Variants in ARHGEF10 observed in about 807,000 individuals in gnomAD.
The protein encoded by ARHGEF10 is Rho guanine nucleotide exchange factor 10, also known as Rho guanine nucleotide exchange factor (GEF) 10.
Under a neutral mutation model 147.4 loss-of-function variants are expected in ARHGEF10, and 140 were observed. The ratio of observed to expected loss-of-function variants is 0.95; its 90% CI spans 0.83 to 1.09. The LOEUF is 1.09. Ranked by LOEUF, ARHGEF10 falls within the 50% of genes least tolerant of loss-of-function variation. The pLI, the probability that ARHGEF10 is intolerant of heterozygous loss-of-function variation, is 0.00. For synonymous variants in ARHGEF10, 902 were observed against 695.8 expected (o/e 1.30, Z -4.67); for missense variants, 2,222 against 1,752.7 (o/e 1.27, Z -4.78).
intron 1 of ARHGEF10, among the ~76,000 whole-genome samples, chr8:1,833,147 A>G (rs372942524): frequency 0.011 from 242 of 22,976 alleles, 1 homozygote; most frequent in East Asian, 0.054. Flanking sequence ...CAGAGACAGA[A>G]GCAGAGACAG....
At chr8:1,903,656 G>T in intron 16 of ARHGEF10, 1 of 642,442 alleles carries the variant, frequency 1.6e-6, no homozygotes, top group Non-Finnish European at 2.7e-6. Context: ...TGTCTTAACA[G>T]CATTTTCTTA....
chr8:1,918,788 A>G (rs908098612), intron 18 of ARHGEF10, among the ~76,000 whole-genome samples: 1 of 152,198 alleles, frequency 6.6e-6, no homozygotes, highest in Non-Finnish European at 1.5e-5. Context: ...GACCTATCCC[A>G]CATGTTCTAT....
At chr8:1,865,041 C>T (rs1806466919) in intron 5 of ARHGEF10, among the ~76,000 whole-genome samples, 1 of 152,240 alleles carries the variant, frequency 6.6e-6, no homozygotes, top group Non-Finnish European at 1.5e-5. Flanking sequence ...CTTAAATGAT[C>T]TTCAAAAGGA....
chr8:1,876,869 A>G, intron 8 of ARHGEF10, 135 bp downstream of exon 8: 2 of 985,932 alleles, frequency 2.0e-6, no homozygotes, highest in Non-Finnish European at 3.2e-6. Flanking sequence ...GGGAAAGCAT[A>G]AGATATTGGC....
In ARHGEF10 at chr8:1,909,372, C is replaced by T. The variant is rs1057518334; in HGVS notation, c.2045C>T (p.Ala682Val). 19 of 1,614,230 alleles carry T rather than the reference C, an allele frequency of 1.2e-5. No homozygotes were observed. The highest frequency in any genetic ancestry group is 1.6e-5 in the Non-Finnish European group (19 of 1,180,034). ...KWSVPLGHVD[A>V]IEYGSSAGTG... is the part of the protein sequence containing the mutation. ...AGCGTTCCACTGGGACATGTGGACG[C>T]CATCGAGTATGGCAGCAGCGCAGGC... The change falls in exon 18 of 29, where the codon GCC becomes GTC. Residue 682 changes from alanine (A) to valine (V), a missense_variant. By Grantham distance (64) the Ala-to-Val change is moderately conservative. Coordinates refer to ENST00000349830, the MANE Select transcript of ARHGEF10 (RefSeq NM_014629.4).
At position 1,957,447 on chromosome 8, in the gene ARHGEF10, C is replaced by A; in HGVS notation, c.*184C>A. 4 of 830,030 alleles carry A rather than the reference C, an allele frequency of 4.8e-6. No homozygotes were observed. The highest frequency in any genetic ancestry group is 5.4e-5 in the East Asian group (2 of 37,202). The allele number at this position is 830,030 out of a possible 1,614,324, so 51.4% of individuals were successfully genotyped here. ...GCCAATTCCTTCCTTCTCTTCTGTA[C>A]AGCAGAAGTAATTACAAGCACTTCT... On this transcript the variant is annotated 3_prime_UTR_variant, in exon 29 of 29. Transcript: ENST00000349830.
chr8:1,840,938 C>T (rs968942687), intron 1 of ARHGEF10, among the ~76,000 whole-genome samples: 15 of 152,176 alleles, frequency 9.9e-5, no homozygotes, highest in Non-Finnish European at 1.6e-4. Context: ...TCTTGCTGCA[C>T]AGAAAGCTCA....
chr8:1,935,504 C>T (rs571446197), intron 26 of ARHGEF10, among the ~76,000 whole-genome samples: 1 of 152,320 alleles, frequency 6.6e-6, no homozygotes, highest in South Asian at 2.1e-4. Context: ...GCCATTTCTT[C>T]AGATTGACAG....
At chr8:1,853,632 G>A (rs945045052) in intron 2 of ARHGEF10, among the ~76,000 whole-genome samples, 1 of 152,224 alleles carries the variant, frequency 6.6e-6, no homozygotes, top group African/African-American at 2.4e-5. Context: ...CCTGGCTCCC[G>A]CCAGGGCCCT....
At chr8:1,939,371 A>G (rs1331896803) in intron 26 of ARHGEF10, among the ~76,000 whole-genome samples, 1 of 152,142 alleles carries the variant, frequency 6.6e-6, no homozygotes, top group Admixed American at 6.5e-5. Flanking sequence ...GCAACCACAG[A>G]TGGTTAAGAC....
chr8:1,829,981 G>A (rs1335873119), intron 1 of ARHGEF10, among the ~76,000 whole-genome samples: 1 of 152,226 alleles, frequency 6.6e-6, no homozygotes, highest in African/African-American at 2.4e-5. Context: ...GGTAGCGGTA[G>A]CAAGAAGGAG....
chr8:1,893,515 T>C (rs1809717001), intron 11 of ARHGEF10, 54 bp from the exon 12 acceptor site: 2 of 1,165,148 alleles, frequency 1.7e-6, no homozygotes, highest in African/African-American at 1.5e-5. Flanking sequence ...GTAAAATGTA[T>C]CTGTGTGTAT....
chr8:1,832,625 GAGAGAC>G (rs1474387673), intron 1 of ARHGEF10, among the ~76,000 whole-genome samples: 3 of 104,538 alleles, frequency 2.9e-5, no homozygotes, highest in African/African-American at 4.4e-5. Context: ...CAGAGGCAGA[GAGAGAC>G]AGAGGCAGAG....
intron 1 of ARHGEF10, among the ~76,000 whole-genome samples, chr8:1,840,578 T>A (rs147748509): frequency 0.053 from 7,901 of 149,980 alleles, 488 homozygotes; most frequent in African/African-American, 0.11. Context: ...GACTGTCTGG[T>A]GTGGAAGCTG....
chr8:1,915,492 G>C (rs1359082782), intron 18 of ARHGEF10, among the ~76,000 whole-genome samples: 9 of 152,260 alleles, frequency 5.9e-5, no homozygotes, highest in Admixed American at 5.9e-4. Flanking sequence ...CCCAGCCTCT[G>C]TCTGGGGGAG....
At chr8:1,888,280 C>A (rs1341543652) in intron 11 of ARHGEF10, among the ~76,000 whole-genome samples, 1 of 51,202 alleles carries the variant, frequency 2.0e-5, no homozygotes, top group Non-Finnish European at 3.7e-5. Flanking sequence ...GCTGTAGGTT[C>A]TGAGGAGGGG....
At position 1,929,390 on chromosome 8, in the gene ARHGEF10, G is replaced by A. The variant is rs760161802; in HGVS notation, c.3026G>A (p.Ser1009Asn). The change falls in exon 25 of 29, where the codon AGC becomes AAC. Residue 1009 changes from serine (S) to asparagine (N), a missense_variant. Transcript: ENST00000349830. ...TVMSLACTSQ[S>N]LYAGLVNGAV... is the part of the protein sequence containing the mutation. ...ATGAGCCTGGCTTGCACGTCTCAGA[G>A]CCTGTACGCTGGCCTGGTCAACGGG... The A allele has an allele frequency of 3.7e-6, 6 of 1,613,290 alleles. No individual in the cohort carries two copies. Among genetic ancestry groups the A allele is most frequent in the African/African-American group, 1.3e-5 (1 of 74,920 alleles).
rs1248748688 is a variant in ARHGEF10, at chr8:1,928,557, A to G, written c.2828A>G (p.Lys943Arg). The G allele has an allele frequency of 6.2e-7, 1 of 1,614,134 alleles. No homozygotes were observed. Among genetic ancestry groups the G allele is most frequent in the African/African-American group, 1.3e-5 (1 of 74,948 alleles). ...LCMLYVPVEE[K>R]RREPGAPPDP... is the part of the protein sequence containing the mutation. ...ATGCTGTACGTTCCCGTCGAGGAGA[A>G]GCGCAGAGAGCCTGGGGCACCCCCG... The change falls in exon 24 of 29, where the codon AAG becomes AGG. Residue 943 changes from lysine to arginine, a missense_variant. Physicochemically the swap from Lys to Arg is conservative, Grantham distance 26. Coordinates refer to ENST00000349830, the MANE Select transcript of ARHGEF10 (RefSeq NM_014629.4).
Position 1,951,975 on chromosome 8 carries a change from C to T in ARHGEF10, c.3398-730C>T, listed in dbSNP as rs149571212. Among the ~76,000 whole-genome samples, 723 of 152,398 alleles carry T rather than the reference C, an allele frequency of 4.7e-3. 5 individuals carry two copies. Among genetic ancestry groups the T allele is most frequent in the African/African-American group, 0.017 (702 of 41,598 alleles). On this transcript the variant is annotated intron_variant, in intron 27 of 28. Transcript: ENST00000349830. ...CCGTGAGGCGGGGTCTTGGAATAGGCCATGCGTCTCCCACATTGTTTTGCA... is the reference window on the plus strand; with the variant it reads ...CCGTGAGGCGGGGTCTTGGAATAGGTCATGCGTCTCCCACATTGTTTTGCA...
Sources: allele counts gnomAD v4.1 joint callset (sites outside exome capture counted in the v4.1 genomes callset), GRCh38; gene constraint gnomAD v4.1.1; transcripts MANE v1.5; gene names NCBI Gene and HGNC (gene_info 2026-07-23, HGNC 2026-07-21).